The following SPG21 variants were observed in gnomAD, a reference collection of about 807,000 sequenced individuals.
SPG21 encodes the protein maspardin.
A neutral mutation model predicts 38.9 loss-of-function variants in SPG21; 26 were observed. The ratio of observed to expected loss-of-function variants is 0.67; its 90% confidence interval spans 0.49 to 0.93. The LOEUF is 0.93. Ranked by LOEUF, SPG21 falls within the 40% of genes least tolerant of loss-of-function variation. SPG21 has a pLI of 0.00. For missense variants in SPG21, 333 were observed against 376.5 expected (o/e 0.88, Z 0.96); for synonymous variants, 136 against 128.9 (o/e 1.05, Z -0.37).
intron 4 of SPG21, among the ~76,000 whole-genome samples, chr15:64,975,565 TG>T (rs1286541728): frequency 1.3e-5 from 2 of 150,354 alleles, no homozygotes; most frequent in East Asian, 3.9e-4. Flanking sequence ...AACCACTTAG[TG>T]GTTTATGTCT....
intron 5 of SPG21, among the ~76,000 whole-genome samples, chr15:64,973,816 T>C (rs1341388369): frequency 6.6e-6 from 1 of 152,220 alleles, no homozygotes; most frequent in East Asian, 1.9e-4. Flanking sequence ...GCAGAACATC[T>C]GTTGACAGAC....
At chr15:64,970,891 C>T (rs2085647330) in intron 5 of SPG21, among the ~76,000 whole-genome samples, 1 of 152,066 alleles carries the variant, frequency 6.6e-6, no homozygotes, top group Non-Finnish European at 1.5e-5. Flanking sequence ...AGGCACATGC[C>T]ACCACGCCCG....
chr15:64,975,174 G>A (rs570178064), intron 4 of SPG21, among the ~76,000 whole-genome samples: 4 of 151,872 alleles, frequency 2.6e-5, no homozygotes, highest in African/African-American at 7.2e-5. Context: ...TGTAGTCCCA[G>A]CTACTCGGGA....
intron 3 of SPG21, among the ~76,000 whole-genome samples, chr15:64,979,914 G>T (rs755164372): frequency 6.7e-6 from 1 of 148,510 alleles, no homozygotes; most frequent in Non-Finnish European, 1.5e-5. Flanking sequence ...TTCTCCCAGA[G>T]AAGACTCAAG....
In SPG21 at chr15:64,963,649, T is replaced by A. The variant is rs1282535371; in HGVS notation, c.898A>T (p.Ser300Cys). Reference protein sequence around the residue: ...SAEELEVQKGSLGISQEEQ With the variant: ...SAEELEVQKGCLGISQEEQ ...TGCTCCTCCTGGCTGATGCCAAGGC[T>A]GCCTTTCTGCACCTCAAGCTCCTCG... The change falls in exon 9 of 9, where the codon AGC (serine) becomes TGC (cysteine). Residue 300 changes from serine (S) to cysteine (C), a missense_variant. Physicochemically the swap from Ser to Cys is moderately radical, Grantham distance 112. Coordinates refer to ENST00000204566, the MANE Select transcript of SPG21 (RefSeq NM_016630.7). The A allele has an allele frequency of 6.2e-7, 1 of 1,614,004 alleles. No homozygotes were observed. The highest frequency in any genetic ancestry group is 8.5e-7 in the Non-Finnish European group (1 of 1,180,040).
At chr15:64,978,704 T>C (rs28564099) in intron 3 of SPG21, among the ~76,000 whole-genome samples, 9,176 of 152,220 alleles carry the variant, frequency 0.06, 948 homozygotes, top group African/African-American at 0.21. Flanking sequence ...AGTCAGATGA[T>C]AGCCTAAAAG....
At chr15:64,980,808 A>G (rs2085868957) in intron 3 of SPG21, 56 bp downstream of exon 3, 1 of 1,548,356 alleles carries the variant, frequency 6.5e-7, no homozygotes. Context: ...AGACAGAAGC[A>G]TAAAAAAAAA....
chr15:64,989,701 A>G lies in SPG21; in HGVS notation c.-61T>C. 6.6e-6 allele frequency: 1 copy of G among 152,660 alleles called. No individual in the cohort carries two copies. The highest frequency in any genetic ancestry group is 1.5e-5 in the Non-Finnish European group (1 of 68,280). 9.5% of individuals were successfully genotyped at this position (152,660 alleles called of 1,614,324 possible). On this transcript the variant is annotated 5_prime_UTR_variant, in exon 1 of 9. Coordinates refer to ENST00000204566, the MANE Select transcript of SPG21 (RefSeq NM_016630.7). ...GCCCCCACGTCCCTTCCCCTCCTTCAGGAGGCCGCTCTTCGCTCCAGTACG... is the reference window on the plus strand; with the variant it reads ...GCCCCCACGTCCCTTCCCCTCCTTCGGGAGGCCGCTCTTCGCTCCAGTACG...
At chr15:64,987,154 T>C (rs921171146) in intron 1 of SPG21, 5 of 152,140 alleles carry the variant, frequency 3.3e-5, no homozygotes, top group Admixed American at 3.3e-4. Flanking sequence ...TAGCAGTAAA[T>C]AGAAAGATGT....
chr15:64,976,416 C>T (rs2085773923), intron 4 of SPG21, 59 bp downstream of exon 4: 1 of 1,251,576 alleles, frequency 8.0e-7, no homozygotes. Context: ...CAGAGTGAGA[C>T]TTCATCTCAA....
Position 64,963,711 on chromosome 15 carries a change from G to T in SPG21, c.836C>A (p.Thr279Asn). 3 of 1,614,088 alleles carry T rather than the reference G, an allele frequency of 1.9e-6. No individual in the cohort carries two copies. The highest frequency in any genetic ancestry group is 2.5e-6 in the Non-Finnish European group (3 of 1,179,990). ...TGATGGGTCAATGGCCGCGTATTTG[G>T]TTCCATGGAATTGCAGCAAATGTAT... The part of the protein sequence containing the change: ...VQIHLLQFHG[T>N]KYAAIDPSMV... The change falls in exon 9 of 9, where the codon ACC becomes AAC. Residue 279 changes from threonine (T) to asparagine (N), a missense_variant. Physicochemically the swap from Thr to Asn is moderately conservative, Grantham distance 65 (BLOSUM62 0). Coordinates refer to ENST00000204566, the MANE Select transcript of SPG21 (RefSeq NM_016630.7).
intron 3 of SPG21, among the ~76,000 whole-genome samples, chr15:64,979,174 C>G (rs1272354146): frequency 2.6e-5 from 4 of 152,224 alleles, no homozygotes; most frequent in Non-Finnish European, 5.9e-5. Flanking sequence ...AAGCGCACAA[C>G]AAGAACCTTG....
chr15:64,985,843 A>G (rs1013981370), intron 1 of SPG21, among the ~76,000 whole-genome samples: 1 of 152,226 alleles, frequency 6.6e-6, no homozygotes, highest in Non-Finnish European at 1.5e-5. Flanking sequence ...AACCCCGAGG[A>G]GACAGCAGAT....
chr15:64,980,369 G>A (rs566151352), intron 3 of SPG21, among the ~76,000 whole-genome samples: 53 of 152,256 alleles, frequency 3.5e-4, no homozygotes, highest in African/African-American at 1.1e-3. Context: ...CTGTGTGACC[G>A]TGGACTCACA....
At chr15:64,964,246 CCT>C in intron 8 of SPG21, among the ~76,000 whole-genome samples, 1 of 152,256 alleles carries the variant, frequency 6.6e-6, no homozygotes, top group East Asian at 1.9e-4. Flanking sequence ...TTCCTCACTC[CCT>C]GAGCAGTCTC....
At chr15:64,971,271 G>A (rs2085655378) in intron 5 of SPG21, among the ~76,000 whole-genome samples, 1 of 152,106 alleles carries the variant, frequency 6.6e-6, no homozygotes, top group African/African-American at 2.4e-5. Flanking sequence ...CAGGCACGGT[G>A]GCTCATGCCT....
chr15:64,978,200 C>T (rs552490223), intron 3 of SPG21, among the ~76,000 whole-genome samples: 305 of 151,026 alleles, frequency 2.0e-3, no homozygotes, highest in Middle Eastern at 0.014. Context: ...GCAATCCCAG[C>T]GCTTTGGGAG....
chr15:64,986,969 A>C (rs758416139), intron 1 of SPG21, among the ~76,000 whole-genome samples: 6 of 152,230 alleles, frequency 3.9e-5, no homozygotes, highest in Non-Finnish European at 7.3e-5. Flanking sequence ...ACATCTACTC[A>C]ATAGATTTAT....
intron 5 of SPG21, among the ~76,000 whole-genome samples, chr15:64,971,411 C>T (rs978849569): frequency 3.8e-4 from 58 of 151,812 alleles, no homozygotes; most frequent in Admixed American, 6.6e-4. Flanking sequence ...TGGTGGCGGG[C>T]GCCTGTAGTC....
Sources: gnomAD v4.1 joint callset for allele counts (sites outside exome capture counted in the v4.1 genomes callset) on GRCh38, gnomAD v4.1.1 for gene constraint, MANE v1.5 for transcripts, NCBI Gene and HGNC (gene_info 2026-07-23, HGNC 2026-07-21) for gene names.